PDE6A: variants seen among roughly 807,000 people sequenced by gnomAD.
The protein encoded by PDE6A is rod cGMP-specific 3',5'-cyclic phosphodiesterase subunit alpha.
PDE6A carries 84 observed loss-of-function variants against 106.3 expected under a neutral mutation model. The ratio of observed to expected loss-of-function variants is 0.79; its 90% CI spans 0.66 to 0.95. The LOEUF (loss-of-function observed/expected upper bound fraction) is 0.95, where lower values mean the gene tolerates loss of function less well. Among genes scored for constraint, PDE6A ranks in the 40% least tolerant of loss-of-function variants. The pLI is 0.00. For missense variants in PDE6A, 1,052 were observed against 1,084.9 expected, an observed-to-expected ratio of 0.97 and a Z score of 0.43; for synonymous variants, 394 against 386.6, an observed-to-expected ratio of 1.02 and a Z score of -0.23.
chr5:149,912,717 A>G (rs1753425043), intron 6 of PDE6A, among the ~76,000 whole-genome samples: 1 of 152,150 alleles, frequency 6.6e-6, no homozygotes, highest in African/African-American at 2.4e-5. Context: ...GGGATGGTGA[A>G]ATAAATTTTA....
At chr5:149,903,161 A>AAC (rs1554089493) in intron 8 of PDE6A, among the ~76,000 whole-genome samples, 4 of 149,068 alleles carry the variant, frequency 2.7e-5, no homozygotes, top group African/African-American at 7.4e-5. Context: ...AAAAAAAAAA[A>AAC]AAAAAAACAA....
At chr5:149,904,289 G>A (rs1271214420) in intron 7 of PDE6A, among the ~76,000 whole-genome samples, 1 of 152,180 alleles carries the variant, frequency 6.6e-6, no homozygotes, top group Non-Finnish European at 1.5e-5. Context: ...TTTTGTTTGG[G>A]CAGGTAGGGG....
intron 17 of PDE6A, among the ~76,000 whole-genome samples, chr5:149,880,554 A>G (rs973312346): frequency 9.9e-5 from 15 of 151,750 alleles, no homozygotes; most frequent in Admixed American, 2.6e-4. Flanking sequence ...TACTAAAAAT[A>G]CAAAAAAAAT....
chr5:149,910,897 T>TTTG (rs1753361094), intron 6 of PDE6A, among the ~76,000 whole-genome samples: 1 of 145,776 alleles, frequency 6.9e-6, no homozygotes, highest in East Asian at 2.0e-4. Context: ...TTTTTTTTTT[T>TTTG]GAGACAGGGT....
At chr5:149,920,967 A>AAAGAAAGAAAGAAAG (rs1753694813) in intron 5 of PDE6A, among the ~76,000 whole-genome samples, 2 of 130,508 alleles carry the variant, frequency 1.5e-5, no homozygotes, top group African/African-American at 4.1e-5. Context: ...AGAAAGAAAG[A>AAAGAAAGAAAGAAAG]AAGAAAGAAA....
chr5:149,896,325 G>A (rs565007155), intron 12 of PDE6A, 31 bp downstream of exon 12: 4 of 1,567,584 alleles, frequency 2.6e-6, no homozygotes, highest in Admixed American at 1.7e-5. Context: ...AAATTAAAAA[G>A]GGAAATCATA....
chr5:149,943,680 T>C (rs893926193), intron 1 of PDE6A, among the ~76,000 whole-genome samples: 1 of 147,080 alleles, frequency 6.8e-6, no homozygotes, highest in Non-Finnish European at 1.5e-5. Context: ...TGTGGATAGG[T>C]AAGAAATGTC....
At chr5:149,900,202 A>AAATTAGCC (rs1752913992) in intron 8 of PDE6A, among the ~76,000 whole-genome samples, 2 of 151,386 alleles carry the variant, frequency 1.3e-5, no homozygotes, top group Admixed American at 1.3e-4. Flanking sequence ...AAAAATACAA[A>AAATTAGCC]AATTAGCCAA....
chr5:149,904,721 C>T (rs1753119973), intron 7 of PDE6A, among the ~76,000 whole-genome samples: 1 of 152,148 alleles, frequency 6.6e-6, no homozygotes. Context: ...GGACTGCCTG[C>T]TCACTGCACC....
At chr5:149,928,916 T>C (rs559636107) in intron 4 of PDE6A, among the ~76,000 whole-genome samples, 1 of 152,218 alleles carries the variant, frequency 6.6e-6, no homozygotes, top group East Asian at 1.9e-4. Flanking sequence ...TCATCAGTCA[T>C]TAGGGGAATT....
rs143469990 is a variant in PDE6A at position 149,930,477 on chromosome 5, A to C, written c.858+551T>G. 5.0e-4 allele frequency among the ~76,000 whole-genome samples: 76 copies of C among 152,364 alleles called. No individual in the cohort carries two copies. In the East Asian group the frequency reaches 0.013, roughly 25 times the overall value. ...AGAAGCAAATAAACAAAGAGAAATGAGGAAGTTGTTTGGGAAAACATATCT... is the reference window on the plus strand; with the variant it reads ...AGAAGCAAATAAACAAAGAGAAATGCGGAAGTTGTTTGGGAAAACATATCT... On this transcript the variant is annotated intron_variant, in intron 4 of 21. Coordinates refer to ENST00000255266, the MANE Select transcript of PDE6A (RefSeq NM_000440.3).
chr5:149,935,803 C>T (rs1009156354), intron 1 of PDE6A, among the ~76,000 whole-genome samples: 3 of 152,220 alleles, frequency 2.0e-5, no homozygotes, highest in Non-Finnish European at 2.9e-5. Context: ...ATGCTCAGCT[C>T]ACGCCGTTCT....
At chr5:149,924,142 C>T (rs1316848207) in intron 4 of PDE6A, among the ~76,000 whole-genome samples, 1 of 152,028 alleles carries the variant, frequency 6.6e-6, no homozygotes, top group African/African-American at 2.4e-5. Flanking sequence ...TATACACAGG[C>T]GAATAAGGCA....
At chr5:149,922,347 T>G (rs1290107684) in intron 4 of PDE6A, among the ~76,000 whole-genome samples, 1 of 151,648 alleles carries the variant, frequency 6.6e-6, no homozygotes, top group Non-Finnish European at 1.5e-5. Context: ...GGTCTCGCTC[T>G]GTTGCCCAGG....
At chr5:149,939,161 C>G (rs529788997) in intron 1 of PDE6A, among the ~76,000 whole-genome samples, 2 of 152,300 alleles carry the variant, frequency 1.3e-5, no homozygotes, top group South Asian at 4.1e-4. Context: ...CTGGCCTAGA[C>G]AGACTTCACC....
intron 12 of PDE6A, among the ~76,000 whole-genome samples, chr5:149,895,649 A>C (rs2113584094): frequency 6.6e-6 from 1 of 152,186 alleles, no homozygotes; most frequent in East Asian, 1.9e-4. Flanking sequence ...AAAAAACAAA[A>C]ACAAAAGGAC....
At chr5:149,911,155 A>G (rs1234488069) in intron 6 of PDE6A, among the ~76,000 whole-genome samples, 1 of 152,086 alleles carries the variant, frequency 6.6e-6, no homozygotes, top group African/African-American at 2.4e-5. Flanking sequence ...TGCTGGGTTT[A>G]TAGGTGTGAG....
Position 149,942,128 on chromosome 5 carries a change from G to GT in PDE6A, c.474+2071dup, listed in dbSNP as rs535398813. On this transcript the variant is annotated intron_variant, in intron 1 of 21. Transcript: ENST00000255266. ...AGGTGTGCACCACCACACCCAGCGAGTTTTTTTATTTTTTGTAAAGACAGG... is the reference window on the plus strand; with the variant it reads ...AGGTGTGCACCACCACACCCAGCGAGTTTTTTTTATTTTTTGTAAAGACAGG... Among the ~76,000 whole-genome samples the GT allele has an allele frequency of 7.1e-3, 1,077 of 151,812 alleles. 12 individuals carry two copies. Among genetic ancestry groups the GT allele is most frequent in the African/African-American group, 0.025 (1,021 of 41,406 alleles).
At chr5:149,878,747 C>T (rs545557014) in intron 17 of PDE6A, among the ~76,000 whole-genome samples, 2 of 152,188 alleles carry the variant, frequency 1.3e-5, no homozygotes, top group Non-Finnish European at 2.9e-5. Flanking sequence ...TTATAATCAC[C>T]GTCTTTTCAT....
Sources: gnomAD v4.1 joint callset for allele counts (sites outside exome capture counted in the v4.1 genomes callset) on GRCh38, gnomAD v4.1.1 for gene constraint, MANE v1.5 for transcripts, NCBI Gene and HGNC (gene_info 2026-07-23, HGNC 2026-07-21) for gene names.